Variants in SYNDIG1 observed in about 807,000 individuals in gnomAD.
SYNDIG1 encodes synapse differentiation-inducing gene protein 1.
Under a neutral mutation model 19.4 loss-of-function variants are expected in SYNDIG1, and 9 were observed. The ratio of observed to expected loss-of-function variants is 0.46; its 90% CI spans 0.28 to 0.81. The LOEUF (loss-of-function observed/expected upper bound fraction) is 0.81, where lower values mean the gene tolerates loss of function less well. SYNDIG1 is among the 30% of genes least tolerant of loss of function. SYNDIG1 has a pLI of 0.12. For synonymous variants in SYNDIG1, 141 were observed against 145.9 expected (o/e 0.97, Z 0.24); for missense variants, 311 against 343.3 (o/e 0.91, Z 0.74).
chr20:24,527,974 C>T (rs557989160), intron 1 of SYNDIG1, among the ~76,000 whole-genome samples: 2 of 152,294 alleles, frequency 1.3e-5, no homozygotes, highest in East Asian at 3.9e-4. Context: ...TGTCTTTCTA[C>T]AAGGCTATAT....
At chr20:24,638,834 G>C (rs1001923422) in intron 3 of SYNDIG1, among the ~76,000 whole-genome samples, 9 of 152,228 alleles carry the variant, frequency 5.9e-5, no homozygotes, top group African/African-American at 1.4e-4. Context: ...GCTTGTGATG[G>C]CTTCTGATTC....
chr20:24,561,258 C>T (rs2146879731), intron 2 of SYNDIG1, among the ~76,000 whole-genome samples: 1 of 152,298 alleles, frequency 6.6e-6, no homozygotes, highest in South Asian at 2.1e-4. Flanking sequence ...ATTTACATTG[C>T]CACCAGGTCC....
At chr20:24,528,087 A>G (rs1049914614) in intron 1 of SYNDIG1, among the ~76,000 whole-genome samples, 1 of 152,198 alleles carries the variant, frequency 6.6e-6, no homozygotes, top group Admixed American at 6.5e-5. Flanking sequence ...TTTCCTTCGC[A>G]ATCAGTAATG....
At chr20:24,525,351 G>T (rs1189235227) in intron 1 of SYNDIG1, among the ~76,000 whole-genome samples, 1 of 146,698 alleles carries the variant, frequency 6.8e-6, no homozygotes, top group Non-Finnish European at 1.5e-5. Context: ...GAGTACAGTG[G>T]CACGATCTTG....
chr20:24,534,206 C>T (rs1024881468), intron 1 of SYNDIG1, among the ~76,000 whole-genome samples: 8 of 152,212 alleles, frequency 5.3e-5, no homozygotes, highest in Admixed American at 1.3e-4. Flanking sequence ...CCACAAACAT[C>T]TAAACTGTAA....
intron 1 of SYNDIG1, among the ~76,000 whole-genome samples, chr20:24,528,702 A>G (rs950255944): frequency 2.0e-5 from 3 of 152,148 alleles, no homozygotes; most frequent in Non-Finnish European, 2.9e-5. Flanking sequence ...TCACCTCAGG[A>G]ATTTAGTTCC....
chr20:24,581,532 G>A (rs572032457), intron 2 of SYNDIG1, among the ~76,000 whole-genome samples: 2 of 152,148 alleles, frequency 1.3e-5, no homozygotes, highest in Non-Finnish European at 2.9e-5. Context: ...AGCATCTCCT[G>A]CAGAGATAGC....
chr20:24,608,265 G>A (rs1600732900), intron 3 of SYNDIG1, among the ~76,000 whole-genome samples: 1 of 150,620 alleles, frequency 6.6e-6, no homozygotes, highest in South Asian at 2.1e-4. Flanking sequence ...AGCTCACTCC[G>A]CCTCCCGGGT....
At chr20:24,507,712 G>A (rs1389890752) in intron 1 of SYNDIG1, among the ~76,000 whole-genome samples, 1 of 152,228 alleles carries the variant, frequency 6.6e-6, no homozygotes, top group Non-Finnish European at 1.5e-5. Flanking sequence ...TCGGGTGTGA[G>A]CAAGGCATCT....
At chr20:24,513,762 G>A (rs1327771340) in intron 1 of SYNDIG1, among the ~76,000 whole-genome samples, 2 of 152,062 alleles carry the variant, frequency 1.3e-5, no homozygotes, top group Non-Finnish European at 2.9e-5. Flanking sequence ...TGAAATTCAG[G>A]AAATACAGAG....
At chr20:24,494,631 T>C (rs1192384114) in intron 1 of SYNDIG1, among the ~76,000 whole-genome samples, 1 of 152,060 alleles carries the variant, frequency 6.6e-6, no homozygotes, top group South Asian at 2.1e-4. Context: ...GAGAGGTGCA[T>C]GTGGCCGGGA....
At chr20:24,547,662 T>G in intron 2 of SYNDIG1, among the ~76,000 whole-genome samples, 1 of 152,328 alleles carries the variant, frequency 6.6e-6, no homozygotes. Context: ...CCCAGGCCTC[T>G]TCCCAGGTAT....
chr20:24,626,403 G>A (rs1375230462), intron 3 of SYNDIG1, among the ~76,000 whole-genome samples: 2 of 151,856 alleles, frequency 1.3e-5, no homozygotes, highest in South Asian at 2.1e-4. Context: ...AGACAGGGTC[G>A]TGGCCGGGCC....
chr20:24,504,423 A>G lies in SYNDIG1; in HGVS notation c.-79+34670A>G, dbSNP rs559094406. Among the ~76,000 whole-genome samples, 3 of 152,310 alleles carry G rather than the reference A, an allele frequency of 2.0e-5. No individual in the cohort carries two copies. The South Asian group carries it at 6.2e-4, about 32-fold the overall frequency. The stretch of plus-strand genomic sequence containing the variant: ...AGGCTTAAAGGAACCCCTGGAAAGA[A>G]AACAGGGAAAGACAGGACAGAGATG... On this transcript the variant is annotated intron_variant, in intron 1 of 3. Coordinates refer to ENST00000376862, the MANE Select transcript of SYNDIG1 (RefSeq NM_024893.3).
chr20:24,512,138 T>C (rs1022384378), intron 1 of SYNDIG1, among the ~76,000 whole-genome samples: 3 of 133,942 alleles, frequency 2.2e-5, no homozygotes, highest in Non-Finnish European at 4.7e-5. Context: ...TATATATATA[T>C]ATATATATAT....
chr20:24,488,872 G>A (rs748899053), intron 1 of SYNDIG1, among the ~76,000 whole-genome samples: 2 of 152,176 alleles, frequency 1.3e-5, no homozygotes, highest in East Asian at 1.9e-4. Context: ...CCGGGCGCTC[G>A]GAGGAAAGGG....
At chr20:24,511,947 C>A (rs1395820870) in intron 1 of SYNDIG1, among the ~76,000 whole-genome samples, 1 of 151,730 alleles carries the variant, frequency 6.6e-6, no homozygotes, top group African/African-American at 2.4e-5. Flanking sequence ...ATTATTTTGA[C>A]TCCTGTGTAG....
chr20:24,588,077 C>T (rs2058447546), intron 3 of SYNDIG1, among the ~76,000 whole-genome samples: 1 of 152,180 alleles, frequency 6.6e-6, no homozygotes, highest in Admixed American at 6.5e-5. Context: ...CCTGTTGTAG[C>T]CTGGTCCCAT....
chr20:24,522,951 C>T (rs1021882925), intron 1 of SYNDIG1, among the ~76,000 whole-genome samples: 4 of 152,178 alleles, frequency 2.6e-5, no homozygotes, highest in African/African-American at 9.7e-5. Context: ...CCAAGCCCTT[C>T]ATGAGGAATT....
Sources: gnomAD v4.1 joint callset for allele counts (sites outside exome capture counted in the v4.1 genomes callset) on GRCh38, gnomAD v4.1.1 for gene constraint, MANE v1.5 for transcripts, NCBI Gene and HGNC (gene_info 2026-07-23, HGNC 2026-07-21) for gene names.